The following ENTREP2 variants were observed in gnomAD, a reference collection of about 807,000 sequenced individuals.
ENTREP2 encodes protein ENTREP2.
the ENTREP2 span, among the ~76,000 whole-genome samples, chr15:29,534,425 G>T: frequency 6.6e-6 from 1 of 151,996 alleles, no homozygotes; most frequent in Non-Finnish European, 1.5e-5. Flanking sequence ...TACCCCTCCT[G>T]GTTCTGAAGA....
At chr15:29,481,840 CG>C in the ENTREP2 span, among the ~76,000 whole-genome samples, 1 of 151,984 alleles carries the variant, frequency 6.6e-6, no homozygotes, top group Non-Finnish European at 1.5e-5. Flanking sequence ...CCAAACATGA[CG>C]TTTTTAAGGT....
the ENTREP2 span, among the ~76,000 whole-genome samples, chr15:29,426,581 C>A: frequency 3.3e-5 from 5 of 152,124 alleles, no homozygotes; most frequent in African/African-American, 4.8e-5. Context: ...AATAGATCCC[C>A]CAGGTGATAT....
the ENTREP2 span, among the ~76,000 whole-genome samples, chr15:29,667,249 G>A: frequency 2.7e-5 from 4 of 150,880 alleles, no homozygotes; most frequent in South Asian, 2.1e-4. Context: ...GTGCAGTGGC[G>A]GGATCTTGGC....
the ENTREP2 span, among the ~76,000 whole-genome samples, chr15:29,293,536 A>T: frequency 2.0e-5 from 3 of 151,908 alleles, no homozygotes; most frequent in Admixed American, 6.6e-5. Context: ...GATTACAGGC[A>T]TGAGCCACCG....
At chr15:29,567,633 T>C in the ENTREP2 span, among the ~76,000 whole-genome samples, 2 of 152,014 alleles carry the variant, frequency 1.3e-5, no homozygotes, top group East Asian at 3.9e-4. Flanking sequence ...CTAAGGCAAA[T>C]CAGAGGCCCA....
the ENTREP2 span, among the ~76,000 whole-genome samples, chr15:29,270,400 C>T: frequency 6.7e-6 from 1 of 149,768 alleles, no homozygotes; most frequent in East Asian, 1.9e-4. Context: ...ACTCCTTTAG[C>T]TAGACAACTA....
the ENTREP2 span, among the ~76,000 whole-genome samples, chr15:29,354,240 C>A: frequency 6.6e-6 from 1 of 152,202 alleles, no homozygotes; most frequent in Non-Finnish European, 1.5e-5. Context: ...CAGGACTTAA[C>A]ACCAGCAGCT....
the ENTREP2 span, among the ~76,000 whole-genome samples, chr15:29,552,819 T>C: frequency 2.0e-5 from 3 of 152,156 alleles, no homozygotes; most frequent in Admixed American, 2.0e-4. Context: ...ACCTTTTTCC[T>C]ATAAACAAGC....
the ENTREP2 span, among the ~76,000 whole-genome samples, chr15:29,419,117 GCT>G: frequency 6.6e-6 from 1 of 152,172 alleles, no homozygotes; most frequent in East Asian, 1.9e-4. Context: ...CTGCAAACCA[GCT>G]CTGAGTCAGC....
the ENTREP2 span, among the ~76,000 whole-genome samples, chr15:29,284,696 C>T: frequency 6.6e-6 from 1 of 152,152 alleles, no homozygotes; most frequent in Admixed American, 6.5e-5. Context: ...CTCCACCAGG[C>T]AACTACAGAG....
chr15:29,335,663 C>T, the ENTREP2 span, among the ~76,000 whole-genome samples: 3 of 152,148 alleles, frequency 2.0e-5, no homozygotes, highest in Admixed American at 1.3e-4. Flanking sequence ...GGCCAGGGGT[C>T]GCTGCCCCAG....
At chr15:29,549,737 A>G in the ENTREP2 span, among the ~76,000 whole-genome samples, 1 of 152,142 alleles carries the variant, frequency 6.6e-6, no homozygotes. Context: ...AGGCTCTCCT[A>G]TGACCATGAT....
At chr15:29,163,239 GA>G in the ENTREP2 span, among the ~76,000 whole-genome samples, 1 of 152,100 alleles carries the variant, frequency 6.6e-6, no homozygotes, top group African/African-American at 2.4e-5. Context: ...CTGGTAATAT[GA>G]CAAAATAAGG....
chr15:29,674,128 T>TGGGGGGGGG, the ENTREP2 span, among the ~76,000 whole-genome samples: 3 of 46,144 alleles, frequency 6.5e-5, no homozygotes, highest in African/African-American at 1.8e-4. Flanking sequence ...CTGCAGAGGA[T>TGGGGGGGGG]GGGGGGGGGG....
chr15:29,585,815 C>T, the ENTREP2 span, among the ~76,000 whole-genome samples: 3 of 145,086 alleles, frequency 2.1e-5, no homozygotes, highest in Admixed American at 2.1e-4. Flanking sequence ...AAGATCCCGC[C>T]ATTGCACTCC....
the ENTREP2 span, among the ~76,000 whole-genome samples, chr15:29,598,132 A>G: frequency 1.4e-5 from 2 of 148,010 alleles, no homozygotes; most frequent in Non-Finnish European, 3.0e-5. Context: ...CAAAAAAAAA[A>G]GAAAAAGACT....
At chr15:29,392,429 A>G in the ENTREP2 span, among the ~76,000 whole-genome samples, 2 of 138,138 alleles carry the variant, frequency 1.4e-5, 1 homozygote, top group South Asian at 4.4e-4. Flanking sequence ...GTTTATCTGT[A>G]AATAGCTTAC....
the ENTREP2 span, among the ~76,000 whole-genome samples, chr15:29,519,704 T>C: frequency 1.3e-5 from 2 of 152,314 alleles, no homozygotes; most frequent in African/African-American, 4.8e-5. Context: ...ATACATGGAT[T>C]TCTGACTGTG....
At chr15:29,223,645 A>C in the ENTREP2 span, among the ~76,000 whole-genome samples, 11 of 152,116 alleles carry the variant, frequency 7.2e-5, no homozygotes, top group Non-Finnish European at 1.5e-4. Context: ...CTTCTTGCAG[A>C]CACTAAAGCC....
Sources: allele counts gnomAD v4.1 joint callset (sites outside exome capture counted in the v4.1 genomes callset), GRCh38; gene constraint gnomAD v4.1.1; transcripts MANE v1.5; gene names NCBI Gene and HGNC (gene_info 2026-07-23, HGNC 2026-07-21).